CAPZA1: variants seen among roughly 807,000 people sequenced by gnomAD.
The protein encoded by CAPZA1 is F-actin-capping protein subunit alpha-1.
In CAPZA1, 10 loss-of-function variants were observed where a neutral mutation model predicts 40.8. The observed-to-expected ratio is 0.25, with a 90% CI of 0.15 to 0.42. The LOEUF (loss-of-function observed/expected upper bound fraction) is 0.42, where lower values mean the gene tolerates loss of function less well. Ranked by LOEUF, CAPZA1 falls within the 10% of genes least tolerant of loss-of-function variation. CAPZA1 has a pLI of 1.00. For missense variants in CAPZA1, 277 were observed against 353.8 expected (o/e 0.78, Z 1.74); for synonymous variants, 98 against 115.0 (o/e 0.85, Z 0.95).
chr1:112,622,906 G>A (rs1301633256), intron 1 of CAPZA1, among the ~76,000 whole-genome samples: 2 of 144,516 alleles, frequency 1.4e-5, no homozygotes, highest in Admixed American at 7.0e-5. Context: ...TTTTTGAAAC[G>A]AAGTCTTGCA....
Position 112,654,459 on chromosome 1 carries a change from TG to T in CAPZA1, c.220-4del. The T allele has an allele frequency of 6.3e-7, 1 of 1,591,746 alleles. No homozygotes were observed. The highest frequency in any genetic ancestry group is 1.1e-5 in the South Asian group (1 of 89,676). On this transcript the variant is annotated splice_region_variant and splice_polypyrimidine_tract_variant and intron_variant, in intron 4 of 9. Coordinates refer to ENST00000263168, the MANE Select transcript of CAPZA1 (RefSeq NM_006135.3). ...GTTACTCATATGTTTAATGATTCTTTGGAAGGTCTTAATTACAGAGCACGGT... is the reference window on the plus strand; with the variant it reads ...GTTACTCATATGTTTAATGATTCTTTGAAGGTCTTAATTACAGAGCACGGT...
At chr1:112,668,994 C>A (rs1052484288) in intron 8 of CAPZA1, among the ~76,000 whole-genome samples, 1 of 152,176 alleles carries the variant, frequency 6.6e-6, no homozygotes, top group Admixed American at 6.5e-5. Flanking sequence ...CCCTTTAATT[C>A]TGTTGTACTT....
rs576279276 is a variant in CAPZA1 at position 112,625,730 on chromosome 1, T to A, written c.39+5847T>A. Among the ~76,000 whole-genome samples, 4 of 152,308 alleles carry A rather than the reference T, an allele frequency of 2.6e-5. No homozygotes were observed. The East Asian group carries it at 7.7e-4, about 29-fold the overall frequency. ...AGCTTCCCACCCCCATAAGTAAGCT[T>A]CCTAATTATGATATCTTGGTCTTGC... On this transcript the variant is annotated intron_variant, in intron 1 of 9. Coordinates refer to ENST00000263168, the MANE Select transcript of CAPZA1 (RefSeq NM_006135.3).
chr1:112,637,377 T>G (rs1337413530), intron 1 of CAPZA1, among the ~76,000 whole-genome samples: 4 of 152,382 alleles, frequency 2.6e-5, no homozygotes. Context: ...CAAGTTCTTT[T>G]GTTCTGTGTC....
chr1:112,649,645 A>C (rs1671346963), intron 3 of CAPZA1, 176 bp downstream of exon 3: 2 of 614,114 alleles, frequency 3.3e-6, no homozygotes, highest in Non-Finnish European at 5.7e-6. Flanking sequence ...ATTGTTGTTT[A>C]CTTCCTCAAA....
chr1:112,656,782 C>T (rs1173982732), intron 5 of CAPZA1, among the ~76,000 whole-genome samples: 2 of 151,974 alleles, frequency 1.3e-5, no homozygotes, highest in African/African-American at 2.4e-5. Flanking sequence ...CTTAGTAGTC[C>T]GTAATTTCAT....
intron 1 of CAPZA1, among the ~76,000 whole-genome samples, chr1:112,624,005 CAA>C (rs749422218): frequency 1.3e-5 from 1 of 74,800 alleles, no homozygotes; most frequent in Non-Finnish European, 2.3e-5. Context: ...GACTCCATCT[CAA>C]AAAAAAAAAA....
chr1:112,630,504 T>TG (rs1432738691), intron 1 of CAPZA1, among the ~76,000 whole-genome samples: 2 of 151,764 alleles, frequency 1.3e-5, no homozygotes, highest in African/African-American at 4.8e-5. Context: ...TCACCACACC[T>TG]GCCTAATTTT....
intron 1 of CAPZA1, among the ~76,000 whole-genome samples, chr1:112,629,593 A>G (rs907094988): frequency 6.6e-6 from 1 of 152,184 alleles, no homozygotes; most frequent in African/African-American, 2.4e-5. Context: ...TCTGATTTCC[A>G]AGTTTTGTGA....
rs184353976 is a variant in CAPZA1 at position 112,652,423 on chromosome 1, G to A, written c.156-1175G>A. On this transcript the variant is annotated intron_variant, in intron 3 of 9. Coordinates refer to ENST00000263168, the MANE Select transcript of CAPZA1 (RefSeq NM_006135.3). The stretch of plus-strand genomic sequence containing the variant: ...GAACCCGGGAAGTGGAGGTTGTGGT[G>A]AGCCAAGATCACACCATTGCACTCC... Among the ~76,000 whole-genome samples the A allele has an allele frequency of 7.8e-3, 1,101 of 141,726 alleles. 3 individuals are homozygous for A. The highest frequency in any genetic ancestry group is 0.011 in the Non-Finnish European group (741 of 66,384). The allele number at this position is 141,726 out of a possible 152,430, so 93.0% of individuals were successfully genotyped here. A position where few individuals can be genotyped will look rare whatever the true frequency, so the allele number is the denominator to read the frequency against.
intron 8 of CAPZA1, among the ~76,000 whole-genome samples, chr1:112,668,579 A>T (rs1177031442): frequency 6.6e-6 from 1 of 152,148 alleles, no homozygotes; most frequent in African/African-American, 2.4e-5. Context: ...ACCACCTCCC[A>T]GGTTCAAGTG....
intron 7 of CAPZA1, 28 bp from the exon 8 acceptor site, chr1:112,667,046 A>G (rs747323730): frequency 1.9e-6 from 3 of 1,563,982 alleles, no homozygotes; most frequent in South Asian, 2.3e-5. Context: ...AACTTCCCCT[A>G]AAAAGGCTCA....
At chr1:112,629,751 C>T (rs1670884797) in intron 1 of CAPZA1, among the ~76,000 whole-genome samples, 1 of 152,226 alleles carries the variant, frequency 6.6e-6, no homozygotes. Context: ...TGCTATCTGA[C>T]TTACCTTAGT....
At chr1:112,634,561 ATAATT>A (rs1440765300) in intron 1 of CAPZA1, among the ~76,000 whole-genome samples, 8 of 152,308 alleles carry the variant, frequency 5.3e-5, no homozygotes, top group Middle Eastern at 3.4e-3. Flanking sequence ...TGCTCAGTTT[ATAATT>A]TAAAGTAAGA....
intron 1 of CAPZA1, among the ~76,000 whole-genome samples, chr1:112,643,010 T>C (rs1395928983): frequency 6.6e-6 from 1 of 152,144 alleles, no homozygotes; most frequent in Admixed American, 6.5e-5. Flanking sequence ...AGGAGTTTTA[T>C]AATTATGTAA....
chr1:112,665,244 T>G (rs1442427992), intron 7 of CAPZA1, among the ~76,000 whole-genome samples: 3 of 149,450 alleles, frequency 2.0e-5, no homozygotes, highest in Admixed American at 1.3e-4. Flanking sequence ...TGGCATGATC[T>G]TGGCTCACTG....
chr1:112,628,089 C>T (rs1032361103), intron 1 of CAPZA1, among the ~76,000 whole-genome samples: 3 of 152,138 alleles, frequency 2.0e-5, no homozygotes, highest in African/African-American at 7.2e-5. Flanking sequence ...CTAAAGTCCC[C>T]GTAACAAGGC....
chr1:112,664,230 CAAA>C (rs570249032), intron 7 of CAPZA1, among the ~76,000 whole-genome samples: 38 of 110,408 alleles, frequency 3.4e-4, no homozygotes, highest in Admixed American at 5.6e-4. Context: ...GACACTGTCT[CAAA>C]AAAAAAAAAA....
chr1:112,637,526 C>A (rs1671044610), intron 1 of CAPZA1, among the ~76,000 whole-genome samples: 1 of 152,224 alleles, frequency 6.6e-6, no homozygotes, highest in Admixed American at 6.5e-5. Flanking sequence ...TAGCTCACTG[C>A]AGCCTTGACC....
Sources: allele counts gnomAD v4.1 joint callset (sites outside exome capture counted in the v4.1 genomes callset), GRCh38; gene constraint gnomAD v4.1.1; transcripts MANE v1.5; gene names NCBI Gene and HGNC (gene_info 2026-07-23, HGNC 2026-07-21).